The following GTF2B variants were observed in gnomAD, a reference collection of about 807,000 sequenced individuals.
The protein encoded by GTF2B is general transcription factor IIB.
In GTF2B, 20 loss-of-function variants were observed where a neutral mutation model predicts 34.6. The ratio of observed to expected loss-of-function variants is 0.58; its 90% CI spans 0.41 to 0.84. The LOEUF (loss-of-function observed/expected upper bound fraction) is 0.84, where lower values mean the gene tolerates loss of function less well. Ranked by LOEUF, GTF2B falls within the 40% of genes least tolerant of loss-of-function variation. GTF2B has a pLI of 0.00. For synonymous variants in GTF2B, 142 were observed against 132.4 expected, an observed-to-expected ratio of 1.07 and a Z score of -0.50; for missense variants, 237 against 393.3, an observed-to-expected ratio of 0.60 and a Z score of 3.36.
intron 1 of GTF2B, among the ~76,000 whole-genome samples, chr1:88,889,830 G>A (rs1252822409): frequency 6.6e-6 from 1 of 152,106 alleles, no homozygotes; most frequent in Non-Finnish European, 1.5e-5. Context: ...ACCAGCCTGG[G>A]CAATGTAACT....
intron 2 of GTF2B, among the ~76,000 whole-genome samples, chr1:88,884,319 C>T (rs1416823905): frequency 6.6e-6 from 1 of 152,198 alleles, no homozygotes; most frequent in East Asian, 1.9e-4. Context: ...AGCCGCTGCA[C>T]CTCGCCCAAC....
intron 2 of GTF2B, among the ~76,000 whole-genome samples, chr1:88,882,284 TG>T (rs1389828997): frequency 8.9e-6 from 1 of 112,542 alleles, no homozygotes. Flanking sequence ...CACTCCAGCC[TG>T]GGGGACAGAG....
intron 6 of GTF2B, among the ~76,000 whole-genome samples, chr1:88,856,273 A>AAAAAAAAAAC (rs1557652048): frequency 2.0e-5 from 1 of 51,224 alleles, no homozygotes; most frequent in Non-Finnish European, 3.8e-5. Flanking sequence ...TTTCAAAAAC[A>AAAAAAAAAAC]AAAAAAAAAA....
intron 6 of GTF2B, among the ~76,000 whole-genome samples, chr1:88,855,495 G>A (rs547159119): frequency 6.6e-6 from 1 of 151,690 alleles, no homozygotes; most frequent in Non-Finnish European, 1.5e-5. Flanking sequence ...TGGGACTACA[G>A]GTGTGCACCA....
Position 88,857,190 on chromosome 1 carries a change from T to C in GTF2B, c.817+16A>G. 1.3e-6 allele frequency: 2 copies of C among 1,590,200 alleles called. No individual in the cohort carries two copies. The highest frequency in any genetic ancestry group is 1.7e-6 in the Non-Finnish European group (2 of 1,169,396). On this transcript the variant is annotated intron_variant, in intron 6 of 6. Coordinates refer to ENST00000370500, the MANE Select transcript of GTF2B (RefSeq NM_001514.6). The stretch of plus-strand genomic sequence containing the variant: ...AATTTCAGTTTACTGCCACACTTCC[T>C]GATGACGAACCCTACCTTTTTGGGT...
At position 88,887,204 on chromosome 1, in the gene GTF2B, C is replaced by T. The variant is rs756968178; in HGVS notation, c.124+57G>A. The T allele has an allele frequency of 4.1e-4, 455 of 1,113,842 alleles. 1 individual carries two copies. The highest frequency in any genetic ancestry group is 5.5e-4 in the Non-Finnish European group (408 of 735,944). The allele number at this position is 1,113,842 out of a possible 1,614,324, so 69.0% of individuals were successfully genotyped here. A position where few individuals can be genotyped will look rare whatever the true frequency, so the allele number is the denominator to read the frequency against. ...GAAGTGCTGGAATTACAGGCGTGAG[C>T]CACCATGCTTGGCCTCCTGAACAGT... is the stretch of plus-strand genomic sequence containing the variant. On this transcript the variant is annotated intron_variant, in intron 2 of 6. Transcript: ENST00000370500.
At chr1:88,881,170 A>T (rs1342269506) in intron 2 of GTF2B, among the ~76,000 whole-genome samples, 9 of 92,604 alleles carry the variant, frequency 9.7e-5, no homozygotes, top group East Asian at 2.2e-4. Flanking sequence ...GTATGTATTT[A>T]AAAAAAAAAA....
chr1:88,863,043 T>C (rs1022780500), intron 3 of GTF2B, among the ~76,000 whole-genome samples: 13 of 151,432 alleles, frequency 8.6e-5, no homozygotes, highest in African/African-American at 2.9e-4. Context: ...CCCTCAGTAA[T>C]ACCGTCACTA....
intron 1 of GTF2B, among the ~76,000 whole-genome samples, chr1:88,891,180 G>T (rs1231384912): frequency 6.6e-6 from 1 of 151,328 alleles, no homozygotes; most frequent in Non-Finnish European, 1.5e-5. Context: ...AATAAAGGGA[G>T]ATTGAAATAT....
intron 2 of GTF2B, among the ~76,000 whole-genome samples, chr1:88,865,923 A>G (rs1232756032): frequency 6.6e-6 from 1 of 152,222 alleles, no homozygotes; most frequent in Non-Finnish European, 1.5e-5. Flanking sequence ...TGCTCCGCTA[A>G]GTATTTGATC....
intron 3 of GTF2B, among the ~76,000 whole-genome samples, chr1:88,860,627 A>G (rs1260092249): frequency 2.0e-5 from 3 of 152,326 alleles, no homozygotes; most frequent in African/African-American, 7.2e-5. Flanking sequence ...ATGACCAACT[A>G]GAGATTGTTC....
intron 2 of GTF2B, among the ~76,000 whole-genome samples, chr1:88,880,072 A>G (rs916848543): frequency 6.6e-6 from 1 of 152,142 alleles, no homozygotes; most frequent in Non-Finnish European, 1.5e-5. Flanking sequence ...AAAAAAATAA[A>G]AAAGAAAAAG....
chr1:88,888,775 A>C (rs938227523), intron 1 of GTF2B, among the ~76,000 whole-genome samples: 1 of 152,240 alleles, frequency 6.6e-6, no homozygotes, highest in Admixed American at 6.5e-5. Flanking sequence ...GATGAACCTC[A>C]AAATACTAAC....
chr1:88,865,850 A>G (rs904567671), intron 2 of GTF2B, among the ~76,000 whole-genome samples: 1 of 145,150 alleles, frequency 6.9e-6, no homozygotes, highest in Non-Finnish European at 1.5e-5. Flanking sequence ...CAAAAAAAAA[A>G]CAAAACAAAA....
chr1:88,885,745 C>T (rs987286040), intron 2 of GTF2B, among the ~76,000 whole-genome samples: 4 of 152,098 alleles, frequency 2.6e-5, no homozygotes, highest in Admixed American at 1.3e-4. Context: ...AGCAAAACTC[C>T]GTCTCAAAAA....
intron 2 of GTF2B, among the ~76,000 whole-genome samples, chr1:88,878,895 G>C (rs778239079): frequency 2.6e-5 from 4 of 152,192 alleles, no homozygotes; most frequent in Non-Finnish European, 5.9e-5. Context: ...CAAGGAGCAC[G>C]GAGGAACCAG....
intron 2 of GTF2B, among the ~76,000 whole-genome samples, chr1:88,865,846 A>C (rs6688196): frequency 0.014 from 2,066 of 149,118 alleles, 36 homozygotes; most frequent in South Asian, 0.081. Context: ...ATCTCAAAAA[A>C]AAAACAAAAC....
chr1:88,873,478 T>C (rs1673747111), intron 2 of GTF2B, among the ~76,000 whole-genome samples: 1 of 152,004 alleles, frequency 6.6e-6, no homozygotes, highest in Non-Finnish European at 1.5e-5. Context: ...GGATTATGGG[T>C]GTGAGCCACC....
intron 2 of GTF2B, among the ~76,000 whole-genome samples, chr1:88,886,249 G>A (rs1674065721): frequency 6.6e-6 from 1 of 152,174 alleles, no homozygotes; most frequent in South Asian, 2.1e-4. Context: ...CAAGTCCACA[G>A]TATGCCACTA....
Sources: allele counts gnomAD v4.1 joint callset (sites outside exome capture counted in the v4.1 genomes callset), GRCh38; gene constraint gnomAD v4.1.1; transcripts MANE v1.5; gene names NCBI Gene and HGNC (gene_info 2026-07-23, HGNC 2026-07-21).